The following RSU1 variants were observed in gnomAD, a reference collection of about 807,000 sequenced individuals.
RSU1 encodes rsu-1.
Under a neutral mutation model 31.1 loss-of-function variants are expected in RSU1, and 26 were observed. The ratio of observed to expected loss-of-function variants is 0.84; its 90% CI spans 0.61 to 1.16. The LOEUF is 1.16. Among genes scored for constraint, RSU1 ranks in the 50% most tolerant of loss-of-function variants. The pLI is 0.00. For synonymous variants in RSU1, 164 were observed against 136.3 expected (o/e 1.20, Z -1.41); for missense variants, 320 against 339.1 (o/e 0.94, Z 0.44).
rs1438479818 is a variant in RSU1 at position 16,592,613 on chromosome 10, G to C, written c.*781C>G. 1 of 151,986 alleles carries C rather than the reference G, an allele frequency of 6.6e-6. No homozygotes were observed. The highest frequency in any genetic ancestry group is 1.5e-5 in the Non-Finnish European group (1 of 68,010). The allele number at this position is 151,986 out of a possible 1,614,324, so 9.4% of individuals were successfully genotyped here. On this transcript the variant is annotated 3_prime_UTR_variant, in exon 9 of 9. Coordinates refer to ENST00000345264, the MANE Select transcript of RSU1 (RefSeq NM_012425.4). The stretch of plus-strand genomic sequence containing the variant: ...CACAGTTCTTGTCTACCAGCCCCTG[G>C]CAGAAATCACCATTTCTTCGGCGAA...
chr10:16,681,373 A>G (rs1036206294), intron 8 of RSU1, among the ~76,000 whole-genome samples: 2 of 152,226 alleles, frequency 1.3e-5, no homozygotes, highest in Admixed American at 6.5e-5. Flanking sequence ...GTGTGTAAGA[A>G]TAAGTTACTG....
chr10:16,700,214 A>T (rs907650965), intron 7 of RSU1, among the ~76,000 whole-genome samples: 3 of 152,200 alleles, frequency 2.0e-5, no homozygotes, highest in Admixed American at 6.6e-5. Flanking sequence ...ACGTCATCAA[A>T]GTAGCATTCC....
At chr10:16,805,066 T>C (rs1168415825) in intron 2 of RSU1, among the ~76,000 whole-genome samples, 1 of 152,114 alleles carries the variant, frequency 6.6e-6, no homozygotes, top group Non-Finnish European at 1.5e-5. Flanking sequence ...CCGGGTGTGA[T>C]GGCGCCTGCC....
At chr10:16,708,903 T>C (rs1012528355) in intron 7 of RSU1, among the ~76,000 whole-genome samples, 2 of 150,414 alleles carry the variant, frequency 1.3e-5, no homozygotes, top group African/African-American at 4.9e-5. Context: ...ATGGTTAATA[T>C]ATAGAAAGAC....
intron 7 of RSU1, among the ~76,000 whole-genome samples, chr10:16,709,706 T>C (rs968309806): frequency 1.3e-5 from 2 of 152,324 alleles, no homozygotes; most frequent in African/African-American, 4.8e-5. Context: ...TGTGAGATGG[T>C]ATCTCATTGT....
intron 7 of RSU1, among the ~76,000 whole-genome samples, chr10:16,708,992 C>A (rs1164090633): frequency 1.3e-5 from 2 of 150,178 alleles, no homozygotes; most frequent in African/African-American, 4.9e-5. Context: ...TTAGTAGAGT[C>A]CTTTGGTTTT....
At chr10:16,692,158 C>T (rs113660341) in intron 8 of RSU1, among the ~76,000 whole-genome samples, 508 of 152,294 alleles carry the variant, frequency 3.3e-3, no homozygotes, top group Non-Finnish European at 5.9e-3. Flanking sequence ...GCTTAGACTA[C>T]GCCAACCCCC....
chr10:16,607,024 G>A (rs777825543), intron 8 of RSU1, among the ~76,000 whole-genome samples: 5 of 152,166 alleles, frequency 3.3e-5, no homozygotes, highest in African/African-American at 1.2e-4. Flanking sequence ...ATCTCATGTA[G>A]AATTGTAGTC....
intron 3 of RSU1, among the ~76,000 whole-genome samples, chr10:16,770,107 G>T (rs1209568907): frequency 6.6e-6 from 1 of 152,122 alleles, no homozygotes; most frequent in African/African-American, 2.4e-5. Context: ...AGGATGCTGG[G>T]TGGTAGTGAC....
intron 8 of RSU1, among the ~76,000 whole-genome samples, chr10:16,690,276 C>T (rs550230279): frequency 6.6e-6 from 1 of 152,332 alleles, no homozygotes; most frequent in Admixed American, 6.5e-5. Context: ...AACTCAGCGA[C>T]AGTTTAAAAA....
chr10:16,756,059 T>C lies in RSU1; in HGVS notation c.282-1070A>G, dbSNP rs531035699. Reference sequence around the variant, plus strand: ...AAATATACACATGAAGCTTTGTAGTTTTCAGGCTTTTGCTTGATTTCATTC... The same window carrying C: ...AAATATACACATGAAGCTTTGTAGTCTTCAGGCTTTTGCTTGATTTCATTC... On this transcript the variant is annotated intron_variant, in intron 4 of 8. Transcript: ENST00000345264. Among the ~76,000 whole-genome samples, 34 of 152,318 alleles carry C rather than the reference T, an allele frequency of 2.2e-4. No individual in the cohort carries two copies. The South Asian group carries it at 3.5e-3, about 16-fold the overall frequency.
chr10:16,648,414 G>A (rs934001460), intron 8 of RSU1, among the ~76,000 whole-genome samples: 1 of 152,176 alleles, frequency 6.6e-6, no homozygotes, highest in African/African-American at 2.4e-5. Context: ...CTAATGTGCT[G>A]ACTCTGGGCA....
intron 8 of RSU1, among the ~76,000 whole-genome samples, chr10:16,624,580 C>T (rs2131483027): frequency 6.6e-6 from 1 of 152,286 alleles, no homozygotes; most frequent in East Asian, 1.9e-4. Flanking sequence ...ACTGCAACCC[C>T]AGAGCAGGAA....
At chr10:16,611,219 T>C (rs1211570600) in intron 8 of RSU1, among the ~76,000 whole-genome samples, 1 of 152,110 alleles carries the variant, frequency 6.6e-6, no homozygotes, top group Non-Finnish European at 1.5e-5. Context: ...GTGATCCTTC[T>C]CGAGTGGCCA....
At chr10:16,671,947 G>A (rs769018221) in intron 8 of RSU1, among the ~76,000 whole-genome samples, 7 of 151,162 alleles carry the variant, frequency 4.6e-5, no homozygotes, top group Non-Finnish European at 8.8e-5. Context: ...TTTTAAGTGA[G>A]AAATTGTATA....
intron 8 of RSU1, among the ~76,000 whole-genome samples, chr10:16,645,725 T>C (rs951799033): frequency 6.6e-6 from 1 of 150,916 alleles, no homozygotes; most frequent in African/African-American, 2.4e-5. Context: ...GAGAATCACT[T>C]GAACTCGGGA....
chr10:16,644,560 C>A (rs1357713427), intron 8 of RSU1, among the ~76,000 whole-genome samples: 2 of 152,196 alleles, frequency 1.3e-5, no homozygotes, highest in African/African-American at 2.4e-5. Context: ...AAAGGTCTTG[C>A]TCAAGGTCAT....
At chr10:16,641,944 G>A (rs761494007) in intron 8 of RSU1, among the ~76,000 whole-genome samples, 3 of 152,204 alleles carry the variant, frequency 2.0e-5, no homozygotes, top group Non-Finnish European at 4.4e-5. Context: ...TGACAAGCTG[G>A]CTGCTCCAAG....
intron 8 of RSU1, among the ~76,000 whole-genome samples, chr10:16,613,097 A>G (rs57168167): frequency 0.035 from 5,342 of 152,124 alleles, 318 homozygotes; most frequent in African/African-American, 0.12. Context: ...CCTCTCCCCC[A>G]GCTCTCACTT....
Sources: gnomAD v4.1 joint callset for allele counts (sites outside exome capture counted in the v4.1 genomes callset) on GRCh38, gnomAD v4.1.1 for gene constraint, MANE v1.5 for transcripts, NCBI Gene and HGNC (gene_info 2026-07-23, HGNC 2026-07-21) for gene names.